CCDC38: variants seen among roughly 807,000 people sequenced by gnomAD.
CCDC38 encodes the protein coiled-coil domain-containing protein 38.
A neutral mutation model predicts 72.8 loss-of-function variants in CCDC38; 69 were observed. That is an observed-to-expected ratio of 0.95 (90% CI 0.78 to 1.16). The LOEUF (loss-of-function observed/expected upper bound fraction) is 1.16. CCDC38 is among the 50% of genes most tolerant of loss of function. The pLI is 0.00. For missense variants in CCDC38, 626 were observed against 638.9 expected (o/e 0.98, Z 0.22); for synonymous variants, 201 against 213.2 (o/e 0.94, Z 0.50).
intron 5 of CCDC38, among the ~76,000 whole-genome samples, chr12:95,900,584 A>G (rs1195612363): frequency 1.3e-5 from 2 of 152,142 alleles, no homozygotes; most frequent in African/African-American, 2.4e-5. Context: ...TCATTTATAC[A>G]TTTTGCTTTT....
intron 15 of CCDC38, among the ~76,000 whole-genome samples, chr12:95,868,202 C>T (rs2079543937): frequency 2.0e-5 from 3 of 152,042 alleles, no homozygotes; most frequent in African/African-American, 7.2e-5. Flanking sequence ...TTTTTTCCCC[C>T]AATTTTTTCC....
At chr12:95,898,263 C>G (rs2079912028) in intron 7 of CCDC38, 122 bp downstream of exon 7, 1 of 948,036 alleles carries the variant, frequency 1.1e-6, no homozygotes, top group South Asian at 1.4e-5. Context: ...TTTTAAAATT[C>G]GTTCATACTT....
intron 4 of CCDC38, among the ~76,000 whole-genome samples, chr12:95,914,175 A>C (rs2080121723): frequency 6.6e-6 from 1 of 152,096 alleles, no homozygotes; most frequent in Admixed American, 6.5e-5. Context: ...AATACAAAAA[A>C]TTAGCCAGGT....
intron 5 of CCDC38, among the ~76,000 whole-genome samples, chr12:95,904,701 G>A (rs1592780345): frequency 6.6e-6 from 1 of 152,296 alleles, no homozygotes; most frequent in African/African-American, 2.4e-5. Context: ...ATGATTAATT[G>A]ATTGACCATG....
chr12:95,905,851 T>C (rs970595107), intron 5 of CCDC38, among the ~76,000 whole-genome samples: 2 of 152,208 alleles, frequency 1.3e-5, no homozygotes, highest in Non-Finnish European at 2.9e-5. Flanking sequence ...GCTAAAGTTT[T>C]TGATGGCAGG....
At chr12:95,895,350 C>T (rs987618104) in intron 7 of CCDC38, among the ~76,000 whole-genome samples, 1 of 152,098 alleles carries the variant, frequency 6.6e-6, no homozygotes, top group African/African-American at 2.4e-5. Context: ...TTAAATAAAA[C>T]ATGTCCAAGG....
At chr12:95,903,283 T>G (rs2121486218) in intron 5 of CCDC38, 1 of 544,212 alleles carries the variant, frequency 1.8e-6, no homozygotes, top group East Asian at 2.9e-5. Context: ...ATGGTAGTTT[T>G]AAAATAGATT....
chr12:95,910,480 T>C (rs534895755), intron 4 of CCDC38, among the ~76,000 whole-genome samples: 41 of 152,336 alleles, frequency 2.7e-4, no homozygotes, highest in Non-Finnish European at 3.1e-4. Context: ...TCATTAAAAA[T>C]GTCCACACTT....
chr12:95,898,187 A>G lies in CCDC38; in HGVS notation c.614+198T>C, dbSNP rs12828554. Among the ~76,000 whole-genome samples the G allele has an allele frequency of 4.6e-5, 7 of 152,362 alleles. No homozygotes were observed. The South Asian group carries it at 1.4e-3, about 32-fold the overall frequency. ...TATCTACAAGTTAGAGAGACTTTCCAACCGGAAGCCACATACTGTCCTGAT... is the reference window on the plus strand; with the variant it reads ...TATCTACAAGTTAGAGAGACTTTCCGACCGGAAGCCACATACTGTCCTGAT... On this transcript the variant is annotated intron_variant, in intron 7 of 15. Transcript: ENST00000344280.
intron 10 of CCDC38, 42 bp from the exon 11 acceptor site, chr12:95,881,596 C>T (rs756352510): frequency 2.0e-6 from 3 of 1,525,238 alleles, no homozygotes; most frequent in Non-Finnish European, 2.7e-6. Context: ...GATTTGTGAG[C>T]CATTTTCTGT....
At chr12:95,915,170 G>A (rs922274739) in intron 4 of CCDC38, among the ~76,000 whole-genome samples, 1 of 152,172 alleles carries the variant, frequency 6.6e-6, no homozygotes, top group Non-Finnish European at 1.5e-5. Flanking sequence ...TCAACTCTAA[G>A]TAGACTCGTT....
Position 95,923,294 on chromosome 12 carries a change from A to C in CCDC38, c.38-4318T>G, listed in dbSNP as rs1437350186. Among the ~76,000 whole-genome samples, 41 of 151,840 alleles carry C rather than the reference A, an allele frequency of 2.7e-4. 1 individual carries two copies. The highest frequency in any genetic ancestry group is 2.7e-3 in the Admixed American group (41 of 15,212). ...ATTACTCATAGTAAATCTCCTTCTT[A>C]TTGGTTCTGTTTTTCTGGAGAGTTC... On this transcript the variant is annotated intron_variant, in intron 2 of 15. Coordinates refer to ENST00000344280, the MANE Select transcript of CCDC38 (RefSeq NM_182496.3).
chr12:95,936,689 A>G (rs1354661899), intron 1 of CCDC38, among the ~76,000 whole-genome samples, 166 bp from the exon 2 acceptor site: 2 of 152,220 alleles, frequency 1.3e-5, no homozygotes, highest in African/African-American at 4.8e-5. Flanking sequence ...TCTTATGTCA[A>G]GAAAATAATC....
intron 1 of CCDC38, among the ~76,000 whole-genome samples, chr12:95,942,091 T>C (rs2080457907): frequency 6.6e-6 from 1 of 152,182 alleles, no homozygotes; most frequent in African/African-American, 2.4e-5. Context: ...TTTTATAGTA[T>C]ATTATTTGTG....
chr12:95,939,991 G>A (rs956381229), intron 1 of CCDC38, among the ~76,000 whole-genome samples: 1 of 152,188 alleles, frequency 6.6e-6, no homozygotes, highest in Non-Finnish European at 1.5e-5. Flanking sequence ...CTTCTATCAA[G>A]TATGAATAAT....
At chr12:95,932,789 G>T (rs1458528611) in intron 2 of CCDC38, among the ~76,000 whole-genome samples, 1 of 152,150 alleles carries the variant, frequency 6.6e-6, no homozygotes, top group Non-Finnish European at 1.5e-5. Flanking sequence ...TCTAAAATTA[G>T]TAAGGAAAAC....
chr12:95,876,259 A>G (rs908233972), intron 13 of CCDC38, among the ~76,000 whole-genome samples: 4 of 152,188 alleles, frequency 2.6e-5, no homozygotes, highest in Non-Finnish European at 5.9e-5. Context: ...ATTCAGAGAG[A>G]CGAAGTAAAA....
chr12:95,894,379 T>C (rs1213536170), intron 8 of CCDC38, among the ~76,000 whole-genome samples: 3 of 152,246 alleles, frequency 2.0e-5, no homozygotes, highest in Non-Finnish European at 4.4e-5. Flanking sequence ...ATATATTTTC[T>C]CTTTCCCCAT....
intron 15 of CCDC38, 25 bp from the exon 16 acceptor site, chr12:95,867,214 C>T (rs1181153675): frequency 7.7e-7 from 1 of 1,292,658 alleles, no homozygotes; most frequent in Admixed American, 2.0e-5. Flanking sequence ...AAACAAAATA[C>T]TTAATATTTT....
Sources: allele counts gnomAD v4.1 joint callset (sites outside exome capture counted in the v4.1 genomes callset), GRCh38; gene constraint gnomAD v4.1.1; transcripts MANE v1.5; gene names NCBI Gene and HGNC (gene_info 2026-07-23, HGNC 2026-07-21).